The following TMEM232 variants were observed in gnomAD, a reference collection of about 807,000 sequenced individuals.
TMEM232 encodes transmembrane protein 232.
A neutral mutation model predicts 78.8 loss-of-function variants in TMEM232; 80 were observed. That is an observed-to-expected ratio of 1.01 (90% confidence interval 0.85 to 1.22). The LOEUF is 1.22. Among genes scored for constraint, TMEM232 ranks in the 50% most tolerant of loss-of-function variants. The probability of loss-of-function intolerance (pLI) is 0.00; values close to 1 mark genes in which losing one functional copy is unlikely to be tolerated. For missense variants in TMEM232, 881 were observed against 742.2 expected (o/e 1.19, Z -2.17); for synonymous variants, 297 against 254.3 (o/e 1.17, Z -1.60).
intron 12 of TMEM232, among the ~76,000 whole-genome samples, chr5:110,485,753 A>G (rs932861741): frequency 2.6e-5 from 4 of 151,970 alleles, no homozygotes; most frequent in Admixed American, 6.6e-5. Flanking sequence ...CAATTTTGCA[A>G]TTTGAATTGT....
At chr5:110,658,517 AT>A in intron 2 of TMEM232, among the ~76,000 whole-genome samples, 1 of 152,286 alleles carries the variant, frequency 6.6e-6, no homozygotes, top group East Asian at 1.9e-4. Context: ...GCAGAGAGCC[AT>A]TTAGAAGAAA....
chr5:110,731,657 C>T (rs1798692395), upstream of TMEM232, among the ~76,000 whole-genome samples: 1 of 152,232 alleles, frequency 6.6e-6, no homozygotes, highest in Non-Finnish European at 1.5e-5. Flanking sequence ...GCCGGAGCAG[C>T]TGGGACACAG....
At chr5:110,460,212 C>T (rs1288516997) in intron 12 of TMEM232, among the ~76,000 whole-genome samples, 1 of 151,792 alleles carries the variant, frequency 6.6e-6, no homozygotes, top group East Asian at 1.9e-4. Flanking sequence ...TCTTATTGGT[C>T]TGAGGAATAC....
intron 12 of TMEM232, among the ~76,000 whole-genome samples, chr5:110,521,603 G>A (rs551525385): frequency 6.6e-6 from 1 of 152,258 alleles, no homozygotes; most frequent in Non-Finnish European, 1.5e-5. Flanking sequence ...CTTAATTTAA[G>A]TCTTTAATCC....
intron 12 of TMEM232, among the ~76,000 whole-genome samples, chr5:110,450,992 G>A (rs1760212771): frequency 6.6e-6 from 1 of 151,626 alleles, no homozygotes; most frequent in Non-Finnish European, 1.5e-5. Context: ...TCCAAGGAAA[G>A]ATCCTGGGTC....
chr5:110,631,188 T>C (rs551958650), intron 5 of TMEM232, among the ~76,000 whole-genome samples: 1 of 152,206 alleles, frequency 6.6e-6, no homozygotes, highest in African/African-American at 2.4e-5. Context: ...GGCCCCCAAG[T>C]AGTATTACTT....
Position 110,568,569 on chromosome 5 carries a change from A to T in TMEM232, c.1333T>A (p.Ser445Thr), listed in dbSNP as rs1776592285. 27 of 1,549,698 alleles carry T rather than the reference A, an allele frequency of 1.7e-5. No individual in the cohort carries two copies. The highest frequency in any genetic ancestry group is 2.4e-5 in the Non-Finnish European group (27 of 1,145,830). Residue 445 changes from serine to threonine, a missense_variant, in exon 11 of 14, where the codon TCA becomes ACA. By Grantham distance (58) the Ser-to-Thr change is moderately conservative (BLOSUM62 1). Coordinates refer to ENST00000455884, the MANE Select transcript of TMEM232 (RefSeq NM_001039763.4). ...TCTTCGTCTCCTTGAAGTTCCCATG[A>T]AATTTTCACCAGGTTATACACTAAG... ...YGLVYNLVKI[S>T]WELQGDEEQD...
intron 10 of TMEM232, among the ~76,000 whole-genome samples, chr5:110,600,009 C>A (rs1780692085): frequency 6.6e-6 from 1 of 152,160 alleles, no homozygotes; most frequent in South Asian, 2.1e-4. Context: ...TTAAGAAACT[C>A]ACTGAAAACC....
At chr5:110,637,101 G>C (rs1212493713) in intron 5 of TMEM232, among the ~76,000 whole-genome samples, 2 of 149,778 alleles carry the variant, frequency 1.3e-5, no homozygotes, top group African/African-American at 4.9e-5. Context: ...TTATAAATAT[G>C]TATATTTACA....
intron 12 of TMEM232, among the ~76,000 whole-genome samples, chr5:110,433,335 C>T (rs1758066475): frequency 6.6e-6 from 1 of 151,686 alleles, no homozygotes; most frequent in African/African-American, 2.4e-5. Context: ...ACTCTCAAAG[C>T]CATAGAAATA....
upstream of TMEM232, among the ~76,000 whole-genome samples, chr5:110,728,870 G>A (rs1434465137): frequency 2.2e-5 from 3 of 137,234 alleles, no homozygotes; most frequent in Non-Finnish European, 4.7e-5. Context: ...TTTTTTACCA[G>A]TCTTTTTTAT....
At chr5:110,594,411 G>T (rs1461085702) in intron 10 of TMEM232, among the ~76,000 whole-genome samples, 1 of 151,900 alleles carries the variant, frequency 6.6e-6, no homozygotes, top group South Asian at 2.1e-4. Flanking sequence ...AGCTGCAGGA[G>T]TTTTTTTTCA....
At chr5:110,546,105 A>G (rs867087827) in intron 11 of TMEM232, among the ~76,000 whole-genome samples, 1 of 152,082 alleles carries the variant, frequency 6.6e-6, no homozygotes, top group Non-Finnish European at 1.5e-5. Flanking sequence ...TTCATTTCAA[A>G]TATGCTTATT....
intron 1 of TMEM232, among the ~76,000 whole-genome samples, chr5:110,695,865 C>A (rs1422772881): frequency 6.6e-6 from 1 of 152,102 alleles, no homozygotes; most frequent in Non-Finnish European, 1.5e-5. Flanking sequence ...CCAAATTCTA[C>A]CAGAGGTACA....
rs9326800 is a variant in TMEM232, at chr5:110,525,083, T to G, written c.1703+3505A>C. 5.3e-5 allele frequency among the ~76,000 whole-genome samples: 8 copies of G among 151,938 alleles called. No homozygotes were observed. The South Asian group carries it at 1.7e-3, about 31-fold the overall frequency. On this transcript the variant is annotated intron_variant, in intron 12 of 13. Coordinates refer to ENST00000455884, the MANE Select transcript of TMEM232 (RefSeq NM_001039763.4). ...GCCCAATTTTTTAATATAAAACTGC[T>G]TAATAATAAAATACATCTTTCTCAT... is the stretch of plus-strand genomic sequence containing the variant.
intron 1 of TMEM232, among the ~76,000 whole-genome samples, chr5:110,726,108 T>TCACACACACACACACACACA (rs3985014): frequency 2.8e-5 from 4 of 144,550 alleles, no homozygotes; most frequent in African/African-American, 7.7e-5. Flanking sequence ...CCTCTCTCTT[T>TCACACACACACACACACACA]CACACACACA....
intron 2 of TMEM232, among the ~76,000 whole-genome samples, chr5:110,401,916 T>G (rs1458166465): frequency 6.6e-6 from 1 of 152,112 alleles, no homozygotes; most frequent in African/African-American, 2.4e-5. Flanking sequence ...GCATATATTC[T>G]TCAGCTCTGA....
intron 1 of TMEM232, among the ~76,000 whole-genome samples, chr5:110,680,396 C>CAAAAAAAAAA (rs1189611727): frequency 4.1e-5 from 1 of 24,674 alleles, no homozygotes; most frequent in African/African-American, 1.4e-4. Flanking sequence ...GACTCTATCT[C>CAAAAAAAAAA]AAAAAAAAAA....
intron 12 of TMEM232, among the ~76,000 whole-genome samples, chr5:110,509,901 C>T (rs1253309281): frequency 6.6e-6 from 1 of 152,136 alleles, no homozygotes; most frequent in Non-Finnish European, 1.5e-5. Context: ...TAAAGCATTA[C>T]TATATCATAT....
Sources: gnomAD v4.1 joint callset for allele counts (sites outside exome capture counted in the v4.1 genomes callset) on GRCh38, gnomAD v4.1.1 for gene constraint, MANE v1.5 for transcripts, NCBI Gene and HGNC (gene_info 2026-07-23, HGNC 2026-07-21) for gene names.